PPP4R4: variants seen among roughly 807,000 people sequenced by gnomAD.
The protein encoded by PPP4R4 is serine/threonine-protein phosphatase 4 regulatory subunit 4.
In PPP4R4, 70 loss-of-function variants were observed where a neutral mutation model predicts 121.8. The observed-to-expected ratio is 0.57, with a 90% CI of 0.47 to 0.70. The LOEUF is 0.70. Among genes scored for constraint, PPP4R4 ranks in the 30% least tolerant of loss-of-function variants. The probability of loss-of-function intolerance (pLI) is 0.00; values close to 1 mark genes in which losing one functional copy is unlikely to be tolerated. For synonymous variants in PPP4R4, 348 were observed against 355.7 expected, an observed-to-expected ratio of 0.98 and a Z score of 0.24; for missense variants, 875 against 1,033.6, an observed-to-expected ratio of 0.85 and a Z score of 2.10.
rs76562156 is a variant in PPP4R4, at chr14:94,247,363, G to A, written c.1611+824G>A. ...TGGGTGGGCCCCACACTCATCTGCTGGGCTGAAAACCCTGGGCTGCATGTG... is the reference window on the plus strand; with the variant it reads ...TGGGTGGGCCCCACACTCATCTGCTAGGCTGAAAACCCTGGGCTGCATGTG... On this transcript the variant is annotated intron_variant, in intron 14 of 24. Transcript: ENST00000304338. Among the ~76,000 whole-genome samples, 971 of 152,306 alleles carry A rather than the reference G, an allele frequency of 6.4e-3. 10 individuals are homozygous for A. Among genetic ancestry groups the A allele is most frequent in the African/African-American group, 0.021 (866 of 41,556 alleles).
chr14:94,199,980 A>C (rs150327753), intron 2 of PPP4R4, among the ~76,000 whole-genome samples: 1 of 152,242 alleles, frequency 6.6e-6, no homozygotes, highest in Admixed American at 6.5e-5. Context: ...ACGTGAAGGC[A>C]GGAGTTCCTG....
In PPP4R4 at chr14:94,202,716, C is replaced by T. The variant is rs542606048; in HGVS notation, c.192-5748C>T. The stretch of plus-strand genomic sequence containing the variant: ...CCTTTTGGCCTGGTGTGGTGGCTCA[C>T]GCCTGTAATCCCAGCACTTTGGGAG... On this transcript the variant is annotated intron_variant, in intron 2 of 24. Coordinates refer to ENST00000304338, the MANE Select transcript of PPP4R4 (RefSeq NM_058237.2). 4.6e-5 allele frequency among the ~76,000 whole-genome samples: 7 copies of T among 152,152 alleles called. No individual in the cohort carries two copies. In the South Asian group the frequency reaches 6.2e-4, roughly 14 times the overall value.
intron 23 of PPP4R4, among the ~76,000 whole-genome samples, chr14:94,274,146 A>G (rs372111246): frequency 2.4e-4 from 36 of 152,250 alleles, no homozygotes; most frequent in African/African-American, 8.4e-4. Flanking sequence ...CACTATACAC[A>G]AAATTATACT....
chr14:94,264,499 C>A (rs1184704486), intron 19 of PPP4R4, among the ~76,000 whole-genome samples: 4 of 152,082 alleles, frequency 2.6e-5, no homozygotes, highest in Non-Finnish European at 5.9e-5. Flanking sequence ...ATATCCAAGA[C>A]CATTTTCTTT....
At chr14:94,177,361 T>A (rs1168997640) in intron 2 of PPP4R4, among the ~76,000 whole-genome samples, 2 of 152,248 alleles carry the variant, frequency 1.3e-5, no homozygotes, top group African/African-American at 4.8e-5. Flanking sequence ...GGTATGTGTT[T>A]TGGGTGTTTA....
intron 2 of PPP4R4, among the ~76,000 whole-genome samples, chr14:94,205,715 A>G (rs950317356): frequency 1.3e-5 from 2 of 151,276 alleles, no homozygotes; most frequent in Non-Finnish European, 3.0e-5. Flanking sequence ...GTATTTTTTG[A>G]TTTCCCGTGA....
chr14:94,273,976 A>G (rs1293649269), intron 23 of PPP4R4, among the ~76,000 whole-genome samples: 2 of 152,072 alleles, frequency 1.3e-5, no homozygotes, highest in Admixed American at 6.6e-5. Context: ...ACCATTAAGT[A>G]ATTTCTCATC....
intron 2 of PPP4R4, among the ~76,000 whole-genome samples, chr14:94,183,393 A>G (rs1294773967): frequency 6.6e-6 from 1 of 152,216 alleles, no homozygotes; most frequent in Non-Finnish European, 1.5e-5. Flanking sequence ...TAAGAGCAGT[A>G]TATAATGGAT....
chr14:94,246,380 T>A lies in PPP4R4; in HGVS notation c.1452T>A (p.Ile484=). The A allele has an allele frequency of 6.2e-7, 1 of 1,607,582 alleles. No homozygotes were observed. The change falls in exon 14 of 25, where the codon ATT becomes ATA. Residue 484 remains isoleucine (I), a synonymous_variant. Transcript: ENST00000304338. ...AGTTATCTTCTCTGCCTGACTTGATTCCAGCACTCACAGCTGCTGAACAGC... is the reference window on the plus strand; with the variant it reads ...AGTTATCTTCTCTGCCTGACTTGATACCAGCACTCACAGCTGCTGAACAGC... The part of the protein sequence containing the change: ...ENKLSSLPDL[I]PALTAAEQRA...
At chr14:94,273,456 G>A (rs1053082005) in intron 23 of PPP4R4, among the ~76,000 whole-genome samples, 1 of 152,088 alleles carries the variant, frequency 6.6e-6, no homozygotes, top group Non-Finnish European at 1.5e-5. Flanking sequence ...CAGGGGTTCG[G>A]GGGAAGGAGA....
At chr14:94,218,416 G>A (rs1242640692) in intron 3 of PPP4R4, among the ~76,000 whole-genome samples, 2 of 121,136 alleles carry the variant, frequency 1.7e-5, no homozygotes, top group Admixed American at 8.7e-5. Flanking sequence ...CTCACCCCTA[G>A]ACACCGCACG....
At chr14:94,187,853 T>C (rs78938662) in intron 2 of PPP4R4, among the ~76,000 whole-genome samples, 1 of 152,316 alleles carries the variant, frequency 6.6e-6, no homozygotes, top group Non-Finnish European at 1.5e-5. Flanking sequence ...TATGTGCTTT[T>C]AGGAAGAGTA....
chr14:94,223,517 TA>T (rs1891527124), intron 3 of PPP4R4, among the ~76,000 whole-genome samples: 1 of 152,156 alleles, frequency 6.6e-6, no homozygotes, highest in Admixed American at 6.5e-5. Context: ...AGAAGTCACT[TA>T]GGCTCTCAGT....
At chr14:94,195,413 T>A (rs1169457337) in intron 2 of PPP4R4, among the ~76,000 whole-genome samples, 1 of 152,222 alleles carries the variant, frequency 6.6e-6, no homozygotes, top group East Asian at 1.9e-4. Context: ...GTTACCAACC[T>A]GTATACATTT....
chr14:94,175,524 C>T (rs1888632550), intron 1 of PPP4R4: 1 of 154,678 alleles, frequency 6.5e-6, no homozygotes, highest in Admixed American at 6.4e-5. Flanking sequence ...AATTAGCTGC[C>T]TTAGCGCCTC....
intron 2 of PPP4R4, among the ~76,000 whole-genome samples, chr14:94,187,207 G>A (rs1258113176): frequency 6.6e-6 from 1 of 152,034 alleles, no homozygotes; most frequent in African/African-American, 2.4e-5. Flanking sequence ...AGCTACTCGG[G>A]AGGCTGAGGC....
At chr14:94,227,883 TAA>T in intron 3 of PPP4R4, 1 of 985,008 alleles carries the variant, frequency 1.0e-6, no homozygotes, top group African/African-American at 1.7e-5. Flanking sequence ...TCAAATCTTT[TAA>T]AAGTGTTTTC....
intron 7 of PPP4R4, among the ~76,000 whole-genome samples, chr14:94,235,742 C>T (rs1892311840): frequency 6.6e-6 from 1 of 152,034 alleles, no homozygotes; most frequent in African/African-American, 2.4e-5. Context: ...CCAGGAGAGG[C>T]ATAGCAGCCA....
At chr14:94,188,850 CA>C (rs1889438581) in intron 2 of PPP4R4, among the ~76,000 whole-genome samples, 1 of 152,052 alleles carries the variant, frequency 6.6e-6, no homozygotes, top group South Asian at 2.1e-4. Flanking sequence ...CCTGTAAATA[CA>C]TAATTTATTT....
Sources: gnomAD v4.1 joint callset for allele counts (sites outside exome capture counted in the v4.1 genomes callset) on GRCh38, gnomAD v4.1.1 for gene constraint, MANE v1.5 for transcripts, NCBI Gene and HGNC (gene_info 2026-07-23, HGNC 2026-07-21) for gene names.